The following MCF2L variants were observed in gnomAD, a reference collection of about 807,000 sequenced individuals.
The protein encoded by MCF2L is MCF.2 cell line derived transforming sequence like.
Under a neutral mutation model 153.4 loss-of-function variants are expected in MCF2L, and 97 were observed. That is an observed-to-expected ratio of 0.63 (90% CI 0.54 to 0.75). The LOEUF is 0.75. Among genes scored for constraint, MCF2L ranks in the 30% least tolerant of loss-of-function variants. The probability of loss-of-function intolerance (pLI) is 0.00; values close to 1 mark genes in which losing one functional copy is unlikely to be tolerated. For missense variants in MCF2L, 1,347 were observed against 1,495.2 expected (o/e 0.90, Z 1.64); for synonymous variants, 659 against 632.2 (o/e 1.04, Z -0.64).
At chr13:113,095,161 G>A (rs2146752) in intron 27 of MCF2L, 880,202 of 1,270,356 alleles carry the variant, frequency 0.69, 307,301 homozygotes, top group Admixed American at 0.75. Flanking sequence ...CATTGTTAAT[G>A]TCAGAAGCAA....
Position 113,075,046 on chromosome 13 carries a change from A to G in MCF2L, c.1165A>G (p.Ile389Val). The G allele has an allele frequency of 6.2e-7, 1 of 1,612,942 alleles. No homozygotes were observed. Among genetic ancestry groups the G allele is most frequent in the Non-Finnish European group, 8.5e-7 (1 of 1,179,280 alleles). The change falls in exon 11 of 30, where the codon ATT becomes GTT. Residue 389 changes from isoleucine to valine, a missense_variant. Ile to Val is a conservative substitution (Grantham distance 29). Coordinates refer to ENST00000535094, the MANE Select transcript of MCF2L (RefSeq NM_001112732.3). ...RALSLDGEQL[I>V]GNKHYAVDSI... ...CCTGTCTCTGGACGGCGAGCAGCTC[A>G]TTGGGAACAAGCACTACGCGGTAGA...
rs545661502 is a variant in MCF2L, at chr13:112,943,177, T to C, written c.169+40806T>C. 2.6e-5 allele frequency among the ~76,000 whole-genome samples: 4 copies of C among 152,310 alleles called. No individual in the cohort carries two copies. In the South Asian group the frequency reaches 8.3e-4, roughly 32 times the overall value. ...GGCTCAGCAGGTGTGACTTAAAGGATCGCAGGTGACAGCCCTCAGTGGACT... is the reference window on the plus strand; with the variant it reads ...GGCTCAGCAGGTGTGACTTAAAGGACCGCAGGTGACAGCCCTCAGTGGACT... On this transcript the variant is annotated intron_variant, in intron 2 of 29. Coordinates refer to the MCF2L transcript ENST00000375608. This position sits in a 1 kb window ranked among gnomAD's most constrained non-coding sequence, Gnocchi z 4.2.
intron 2 of MCF2L, among the ~76,000 whole-genome samples, chr13:113,016,850 A>G (rs2084555220): frequency 6.6e-6 from 1 of 151,578 alleles, no homozygotes; most frequent in Non-Finnish European, 1.5e-5. Context: ...CCTTCGTTAC[A>G]CCACCTCACG....
intron 2 of MCF2L, among the ~76,000 whole-genome samples, chr13:112,937,384 T>C (rs1249946601): frequency 6.6e-6 from 1 of 152,258 alleles, no homozygotes; most frequent in Admixed American, 6.5e-5. Flanking sequence ...GGACGTTATC[T>C]TCATTTCAGA....
intron 1 of MCF2L, among the ~76,000 whole-genome samples, chr13:112,976,397 C>T (rs962402539): frequency 2.6e-5 from 4 of 152,216 alleles, no homozygotes; most frequent in East Asian, 1.9e-4. Flanking sequence ...ATGCCCCAAA[C>T]AAGACTTCGT....
At chr13:112,938,557 G>A (rs1433477040) in intron 2 of MCF2L, among the ~76,000 whole-genome samples, 20 of 152,164 alleles carry the variant, frequency 1.3e-4, no homozygotes, top group Admixed American at 1.3e-3. Flanking sequence ...CAGCATTGAC[G>A]GCAGATTTGG....
At chr13:112,894,979 C>T (rs935045565) in intron 1 of MCF2L, among the ~76,000 whole-genome samples, 2 of 151,574 alleles carry the variant, frequency 1.3e-5, no homozygotes, top group Admixed American at 6.6e-5. Flanking sequence ...GGGTCGGGCC[C>T]ACATCTGCAT....
chr13:113,014,174 T>C (rs1488306772), intron 1 of MCF2L, among the ~76,000 whole-genome samples: 2 of 152,234 alleles, frequency 1.3e-5, no homozygotes, highest in Admixed American at 1.3e-4. Context: ...ATCTGGAACC[T>C]GCTGGGTGGG....
rs1463154663 is a variant in MCF2L, at chr13:112,932,067, A to C, written c.169+29696A>C. On this transcript the variant is annotated intron_variant, in intron 2 of 29. Coordinates refer to the MCF2L transcript ENST00000375608. The surrounding 1 kb of genome is among the most constrained non-coding windows in gnomAD (Gnocchi z 4.6). ...TGTCACGAGGGGAGCTCAGAACCCT[A>C]CTTCCTGAGTGTGGGATGTGCGCAG... Among the ~76,000 whole-genome samples the C allele has an allele frequency of 6.6e-6, 1 of 152,182 alleles. No homozygotes were observed. Among genetic ancestry groups the C allele is most frequent in the East Asian group, 1.9e-4 (1 of 5,192 alleles).
intron 26 of MCF2L, among the ~76,000 whole-genome samples, chr13:113,091,647 C>T (rs61966408): frequency 0.85 from 128,186 of 151,172 alleles, 54,648 homozygotes; most frequent in South Asian, 0.9. Flanking sequence ...TTCCCGGGGC[C>T]AATGAGGCCG....
At chr13:112,905,883 T>A (rs1415246868) in intron 2 of MCF2L, among the ~76,000 whole-genome samples, 1 of 152,252 alleles carries the variant, frequency 6.6e-6, no homozygotes, top group Non-Finnish European at 1.5e-5. Flanking sequence ...CTTTCAGGCC[T>A]TGGGGTTGCC....
Position 113,074,494 on chromosome 13 carries a change from C to A in MCF2L, c.1047C>A (p.Asp349Glu), listed in dbSNP as rs866315171. Residue 349 changes from aspartate (D) to glutamate (E), a missense_variant, in exon 10 of 30, where the codon GAC (aspartate) becomes GAA (glutamate). Coordinates refer to ENST00000535094, the MANE Select transcript of MCF2L (RefSeq NM_001112732.3). This position sits in a 1 kb window ranked among gnomAD's most constrained non-coding sequence, Gnocchi z 4.2. ...AASQKIATFT[D>E]IGNSLAHVEH... ...CCCAGAAGATAGCAACCTTCACAGA[C>A]ATCGGCAACAGCCTGGCGCATGTGG... 6.2e-7 allele frequency: 1 copy of A among 1,614,112 alleles called. No individual in the cohort carries two copies.
intron 2 of MCF2L, among the ~76,000 whole-genome samples, chr13:112,939,393 C>A (rs1196027772): frequency 1.3e-5 from 2 of 152,188 alleles, no homozygotes; most frequent in Non-Finnish European, 2.9e-5. Context: ...GTGGCAACAC[C>A]AAAATTGTCT....
At chr13:112,977,730 A>T (rs1185761426) in intron 1 of MCF2L, among the ~76,000 whole-genome samples, 1 of 152,150 alleles carries the variant, frequency 6.6e-6, no homozygotes, top group East Asian at 1.9e-4. Context: ...GGCGACCCTG[A>T]TGGCTCCCGT....
intron 25 of MCF2L, among the ~76,000 whole-genome samples, 186 bp downstream of exon 25, chr13:113,088,814 G>A (rs1055665741): frequency 6.6e-6 from 1 of 152,206 alleles, no homozygotes; most frequent in African/African-American, 2.4e-5. Context: ...GTGTGCCTCC[G>A]ACAATGCCCA....
intron 2 of MCF2L, among the ~76,000 whole-genome samples, chr13:113,016,496 A>G (rs1388617422): frequency 6.6e-6 from 1 of 152,172 alleles, no homozygotes; most frequent in East Asian, 1.9e-4. Flanking sequence ...GACCCTGAGC[A>G]GAGACCCGCA....
intron 1 of MCF2L, among the ~76,000 whole-genome samples, chr13:113,005,423 C>T (rs940887877): frequency 6.6e-6 from 1 of 152,066 alleles, no homozygotes; most frequent in Non-Finnish European, 1.5e-5. Context: ...GGGGTCTGTT[C>T]GTGGTGGGCC....
chr13:113,070,167 C>G lies in MCF2L; in HGVS notation c.990C>G (p.Phe330Leu). The G allele has an allele frequency of 6.3e-7, 1 of 1,592,634 alleles. No individual in the cohort carries two copies. The highest frequency in any genetic ancestry group is 2.3e-5 in the East Asian group (1 of 42,640). ...AGCTCCGGCACTTTGAGCAGGGCTT[C>G]CGGGAGGTGAGTGGCCCTGGGTGGA... The part of the protein sequence containing the change: ...CLQLRHFEQG[F>L]REVKAILDAA... The change falls in exon 9 of 30, where the codon TTC (phenylalanine) becomes TTG (leucine). Residue 330 changes from phenylalanine (F) to leucine (L), a missense_variant. Phe to Leu is a conservative substitution (Grantham distance 22). Around this residue, in one of 3 missense-constraint regions of MCF2L, gnomAD observed 820 missense variants for 921.2 expected, o/e 0.89. Coordinates refer to ENST00000535094, the MANE Select transcript of MCF2L (RefSeq NM_001112732.3). The surrounding 1 kb of genome is among the most constrained non-coding windows in gnomAD (Gnocchi z 5.6).
chr13:113,084,819 G>C, intron 18 of MCF2L, 73 bp from the exon 19 acceptor site: 1 of 1,142,490 alleles, frequency 8.8e-7, no homozygotes, highest in Non-Finnish European at 1.3e-6. Context: ...CGCGTAATGC[G>C]GTGCCCGTCC....
Sources: allele counts gnomAD v4.1 joint callset (sites outside exome capture counted in the v4.1 genomes callset), GRCh38; gene constraint gnomAD v4.1.1; regional missense constraint gnomAD v4.1.1; non-coding constraint Gnocchi (gnomAD v3.1); transcripts MANE v1.5; gene names NCBI Gene and HGNC (gene_info 2026-07-23, HGNC 2026-07-21).